DNASE1L3: variants seen among roughly 807,000 people sequenced by gnomAD.
DNASE1L3 encodes deoxyribonuclease gamma.
DNASE1L3 carries 27 observed loss-of-function variants against 30.9 expected under a neutral mutation model. The observed-to-expected ratio is 0.87, with a 90% CI of 0.64 to 1.20. The LOEUF is 1.20. Ranked by LOEUF, DNASE1L3 falls within the 50% of genes most tolerant of loss-of-function variation. The pLI, the probability that DNASE1L3 is intolerant of heterozygous loss-of-function variation, is 0.00. For missense variants in DNASE1L3, 364 were observed against 378.2 expected, an observed-to-expected ratio of 0.96 and a Z score of 0.31; for synonymous variants, 135 against 138.0, an observed-to-expected ratio of 0.98 and a Z score of 0.15.
Position 58,200,894 on chromosome 3 carries a change from A to T in DNASE1L3, c.546+103T>A. ...AATGCTGTAAGTGGTGGTAGCCTGC[A>T]CATGCCCTTCCTCCTCCCCCTCCCT... On this transcript the variant is annotated intron_variant, in intron 5 of 7. Coordinates refer to ENST00000394549, the MANE Select transcript of DNASE1L3 (RefSeq NM_004944.4). This position sits in a 1 kb window ranked among gnomAD's most constrained non-coding sequence, Gnocchi z 4.2. The T allele has an allele frequency of 1.2e-6, 1 of 846,488 alleles. No homozygotes were observed. Among genetic ancestry groups the T allele is most frequent in the Non-Finnish European group, 1.9e-6 (1 of 538,970 alleles). 52.4% of individuals were successfully genotyped at this position (846,488 alleles called of 1,614,324 possible). A position where few individuals can be genotyped will look rare whatever the true frequency, so the allele number is the denominator to read the frequency against.
At chr3:58,206,145 C>T (rs1284298541) in intron 2 of DNASE1L3, among the ~76,000 whole-genome samples, 3 of 152,186 alleles carry the variant, frequency 2.0e-5, no homozygotes, top group East Asian at 3.8e-4. Context: ...GGGGATACAG[C>T]CATGAAGTCC....
In DNASE1L3 at chr3:58,197,864, C is replaced by T; in HGVS notation, c.661G>A (p.Glu221Lys). 1.2e-6 allele frequency: 2 copies of T among 1,614,212 alleles called. No individual in the cohort carries two copies. Among genetic ancestry groups the T allele is most frequent in the Non-Finnish European group, 8.5e-7 (1 of 1,180,048 alleles). Reference protein sequence around the residue: ...PRFVWLIGDQEDTTVKKSTNC... With the variant: ...PRFVWLIGDQKDTTVKKSTNC... ...GTGCTCTTCTTCACCGTGGTGTCCT[C>T]TTGGTCCCCGATCAGCCAAACAAAC... Residue 221 changes from glutamate to lysine, a missense_variant, in exon 6 of 8, where the codon GAG becomes AAG. Physicochemically the swap from Glu to Lys is moderately conservative, Grantham distance 56. Transcript: ENST00000394549. The surrounding 1 kb of genome is among the most constrained non-coding windows in gnomAD (Gnocchi z 5.3).
In DNASE1L3 at chr3:58,204,781, A is replaced by T. The variant is rs2097402893; in HGVS notation, c.421T>A (p.Ser141Thr). The T allele has an allele frequency of 1.2e-6, 2 of 1,614,080 alleles. No homozygotes were observed. The highest frequency in any genetic ancestry group is 1.7e-5 in the Admixed American group (1 of 60,024). The change falls in exon 4 of 8, where the codon TCT (serine) becomes ACT (threonine). Residue 141 changes from serine to threonine, a missense_variant. Ser to Thr is a moderately conservative substitution (Grantham distance 58). Transcript: ENST00000394549. ...GTGTGGGTCTTACCAGTGTGGGGAG[A>T]TTGGAACCAGACCACAAAGGGCTCC... Reference protein sequence around the residue: ...SREPFVVWFQSPHTAVKDFVI... With the variant: ...SREPFVVWFQTPHTAVKDFVI...
In DNASE1L3 at chr3:58,197,052, G is replaced by A. The variant is rs114076687; in HGVS notation, c.704+769C>T. 5.8e-3 allele frequency among the ~76,000 whole-genome samples: 881 copies of A among 152,294 alleles called. 7 individuals are homozygous for A. The highest frequency in any genetic ancestry group is 0.02 in the African/African-American group (821 of 41,558). On this transcript the variant is annotated intron_variant, in intron 6 of 7. Transcript: ENST00000394549. This position sits in a 1 kb window ranked among gnomAD's most constrained non-coding sequence, Gnocchi z 5.3. The stretch of plus-strand genomic sequence containing the variant: ...CAATGCCTAATGATGGGGATTGGGC[G>A]CATCAATTGCGGTAAGTCTTTGTGA...
chr3:58,196,379 C>G (rs1006095363), intron 6 of DNASE1L3, among the ~76,000 whole-genome samples: 2 of 147,078 alleles, frequency 1.4e-5, no homozygotes, highest in African/African-American at 5.0e-5. Flanking sequence ...CCTGTCTCTA[C>G]TAAAAATACA....
chr3:58,208,109 G>C, intron 2 of DNASE1L3, 109 bp downstream of exon 2: 1 of 1,054,912 alleles, frequency 9.5e-7, no homozygotes, highest in Non-Finnish European at 1.4e-6. Context: ...CTGGCTGTGT[G>C]AACTGGTGGT....
chr3:58,198,738 G>A (rs752868698), intron 5 of DNASE1L3, among the ~76,000 whole-genome samples: 21 of 152,196 alleles, frequency 1.4e-4, no homozygotes, highest in Non-Finnish European at 2.5e-4. Flanking sequence ...GTAAATATAC[G>A]AATGAATCAA....
intron 5 of DNASE1L3, 59 bp from the exon 6 acceptor site, chr3:58,198,037 C>A: frequency 1.3e-6 from 2 of 1,548,948 alleles, no homozygotes; most frequent in Non-Finnish European, 8.7e-7. Flanking sequence ...TGCTTTCACA[C>A]TGGACTCTAG....
rs755107366 is a variant in DNASE1L3 at position 58,193,287 on chromosome 3, C to A, written c.801+56G>T. ...AGAGATGGAGTCTCATCATGTTGCC[C>A]AAGCTAACTCATCTTTCCAGGACAA... On this transcript the variant is annotated intron_variant, in intron 7 of 7. Transcript: ENST00000394549. 1.2e-5 allele frequency: 19 copies of A among 1,591,666 alleles called. No homozygotes were observed. In the Admixed American group the frequency reaches 2.0e-4, roughly 17 times the overall value.
rs549075382 is a variant in DNASE1L3, at chr3:58,196,188, C to T, written c.704+1633G>A. 2.1e-4 allele frequency among the ~76,000 whole-genome samples: 32 copies of T among 152,172 alleles called. No homozygotes were observed. In the South Asian group the frequency reaches 3.1e-3, roughly 15 times the overall value. ...GGGCACTTAGACCCCTGTAACTCCC[C>T]GCCTTGGGTTCCCACTTTGCAGAGT... On this transcript the variant is annotated intron_variant, in intron 6 of 7. Transcript: ENST00000394549.
At chr3:58,210,575 G>A (rs961495854) in intron 1 of DNASE1L3, among the ~76,000 whole-genome samples, 191 bp downstream of exon 1, 1 of 152,198 alleles carries the variant, frequency 6.6e-6, no homozygotes, top group African/African-American at 2.4e-5. Flanking sequence ...ACCCTGGAGG[G>A]AACCATTGTT....
chr3:58,194,751 G>A (rs994639533), intron 6 of DNASE1L3, among the ~76,000 whole-genome samples: 12 of 149,104 alleles, frequency 8.0e-5, no homozygotes, highest in African/African-American at 2.5e-4. Context: ...TCAGCCTCCC[G>A]AGTAGCTGGG....
rs776563700 is a variant in DNASE1L3 at position 58,204,769 on chromosome 3, C to T, written c.433G>A (p.Ala145Thr). Residue 145 changes from alanine to threonine, a missense_variant and splice_region_variant, in exon 4 of 8, where the codon GCT (alanine) becomes ACT (threonine). Physicochemically the swap from Ala to Thr is moderately conservative, Grantham distance 58 (BLOSUM62 0). Coordinates refer to ENST00000394549, the MANE Select transcript of DNASE1L3 (RefSeq NM_004944.4). ...ACAGAAAGGCCTGTGTGGGTCTTAC[C>T]AGTGTGGGGAGATTGGAACCAGACC... is the stretch of plus-strand genomic sequence containing the variant. Reference protein sequence around the residue: ...FVVWFQSPHTAVKDFVIIPLH... With the variant: ...FVVWFQSPHTTVKDFVIIPLH... 28 of 1,613,770 alleles carry T rather than the reference C, an allele frequency of 1.7e-5. No individual in the cohort carries two copies. Among genetic ancestry groups the T allele is most frequent in the Non-Finnish European group, 2.0e-5 (24 of 1,179,860 alleles).
chr3:58,194,314 CT>C (rs11358965), intron 6 of DNASE1L3, among the ~76,000 whole-genome samples: 10,200 of 88,474 alleles, frequency 0.12, 250 homozygotes, highest in East Asian at 0.25. Flanking sequence ...GCACAACTAA[CT>C]TTTTTTTTTT....
chr3:58,207,141 G>A (rs1267493816), intron 2 of DNASE1L3, among the ~76,000 whole-genome samples: 2 of 152,052 alleles, frequency 1.3e-5, no homozygotes, highest in Non-Finnish European at 2.9e-5. Context: ...GAGGCTGAGA[G>A]GGGCAGATCA....
At chr3:58,206,262 T>C (rs1157672800) in intron 2 of DNASE1L3, among the ~76,000 whole-genome samples, 1 of 152,186 alleles carries the variant, frequency 6.6e-6, no homozygotes, top group East Asian at 1.9e-4. Flanking sequence ...AATTTCACTC[T>C]ATCTGCTCAC....
rs139287559 is a variant in DNASE1L3, at chr3:58,193,183, C to A, written c.801+160G>T. Reference sequence around the variant, plus strand: ...CCTCCGCTTCCTGGACTCAAGTGATCCTCCCACCTCAGCCTCCCAAGTAGC... The same window carrying A: ...CCTCCGCTTCCTGGACTCAAGTGATACTCCCACCTCAGCCTCCCAAGTAGC... On this transcript the variant is annotated intron_variant, in intron 7 of 7. Transcript: ENST00000394549. 9.9e-4 allele frequency: 1,412 copies of A among 1,430,930 alleles called. 9 individuals carry two copies. The African/African-American group carries it at 0.018, about 18-fold the overall frequency. 88.6% of individuals were successfully genotyped at this position (1,430,930 alleles called of 1,614,324 possible). A position where few individuals can be genotyped will look rare whatever the true frequency, so the allele number is the denominator to read the frequency against.
intron 1 of DNASE1L3, among the ~76,000 whole-genome samples, chr3:58,210,167 CAAAG>C (rs2097406744): frequency 1.7e-5 from 2 of 118,608 alleles, no homozygotes; most frequent in Non-Finnish European, 3.6e-5. Context: ...AAGAAAGAAA[CAAAG>C]AAAAAGAGAA....
At chr3:58,207,744 C>G (rs2097405075) in intron 2 of DNASE1L3, 1 of 160,902 alleles carries the variant, frequency 6.2e-6, no homozygotes, top group African/African-American at 2.4e-5. Context: ...TCACTATAGC[C>G]TAAACCTCAT....
Sources: allele counts gnomAD v4.1 joint callset (sites outside exome capture counted in the v4.1 genomes callset), GRCh38; gene constraint gnomAD v4.1.1; non-coding constraint Gnocchi (gnomAD v3.1); transcripts MANE v1.5; gene names NCBI Gene and HGNC (gene_info 2026-07-23, HGNC 2026-07-21).